CTNNA3: variants seen among roughly 807,000 people sequenced by gnomAD.
The protein encoded by CTNNA3 is catenin alpha 3.
Under a neutral mutation model 95.7 loss-of-function variants are expected in CTNNA3, and 76 were observed. That is an observed-to-expected ratio of 0.79 (90% CI 0.66 to 0.96). The LOEUF (loss-of-function observed/expected upper bound fraction) is 0.96, where lower values mean the gene tolerates loss of function less well. CTNNA3 is among the 40% of genes least tolerant of loss of function. CTNNA3 has a pLI of 0.00. For missense variants in CTNNA3, 1,191 were observed against 1,089.8 expected, an observed-to-expected ratio of 1.09 and a Z score of -1.31; for synonymous variants, 431 against 374.4, an observed-to-expected ratio of 1.15 and a Z score of -1.74.
chr10:66,949,563 T>TA (rs5785805), intron 7 of CTNNA3, among the ~76,000 whole-genome samples: 163 of 139,568 alleles, frequency 1.2e-3, no homozygotes, highest in Non-Finnish European at 1.6e-3. Flanking sequence ...CATCTCAAAA[T>TA]AAAAAAAAAA....
At chr10:66,446,855 T>G (rs931319665) in intron 11 of CTNNA3, among the ~76,000 whole-genome samples, 1 of 151,914 alleles carries the variant, frequency 6.6e-6, no homozygotes, top group African/African-American at 2.4e-5. Context: ...AAATAAAGGG[T>G]ATTCAATTAG....
Position 67,012,084 on chromosome 10 carries a change from A to G in CTNNA3, c.1047+168233T>C, listed in dbSNP as rs144472062. 3.1e-3 allele frequency among the ~76,000 whole-genome samples: 468 copies of G among 152,354 alleles called. 2 individuals carry two copies. Among genetic ancestry groups the G allele is most frequent in the African/African-American group, 0.01 (433 of 41,576 alleles). ...TTGCCAAAAATCACAAGCTCCGTAG[A>G]TACAAGTCAAACACAACTCTCTCTG... On this transcript the variant is annotated intron_variant, in intron 7 of 17. Coordinates refer to ENST00000433211, the MANE Select transcript of CTNNA3 (RefSeq NM_013266.4).
chr10:66,449,211 G>T (rs1315307379), intron 11 of CTNNA3, among the ~76,000 whole-genome samples: 1 of 152,016 alleles, frequency 6.6e-6, no homozygotes, highest in Admixed American at 6.6e-5. Context: ...TAAAGGTGCT[G>T]GGGGGACATT....
At chr10:66,839,341 G>T (rs774144829) in intron 7 of CTNNA3, among the ~76,000 whole-genome samples, 5 of 152,110 alleles carry the variant, frequency 3.3e-5, no homozygotes, top group African/African-American at 4.8e-5. Flanking sequence ...TGTGACCAAA[G>T]AAAGATCATA....
intron 9 of CTNNA3, among the ~76,000 whole-genome samples, chr10:66,735,478 C>G (rs1319858227): frequency 6.6e-6 from 1 of 151,834 alleles, no homozygotes; most frequent in African/African-American, 2.4e-5. Flanking sequence ...TTCAAACATA[C>G]TAAGATTTAA....
intron 7 of CTNNA3, among the ~76,000 whole-genome samples, chr10:66,810,993 A>G (rs1841852650): frequency 6.6e-6 from 1 of 152,144 alleles, no homozygotes; most frequent in African/African-American, 2.4e-5. Flanking sequence ...GTGGAGACTC[A>G]GTTGGGTTTC....
intron 3 of CTNNA3, among the ~76,000 whole-genome samples, chr10:67,545,372 C>A: frequency 6.6e-6 from 1 of 152,080 alleles, no homozygotes; most frequent in South Asian, 2.1e-4. Flanking sequence ...ATACTGAAGA[C>A]CTTCTGCTTC....
chr10:67,681,582 T>TA (rs1206111837), intron 1 of CTNNA3, among the ~76,000 whole-genome samples: 1 of 152,044 alleles, frequency 6.6e-6, no homozygotes, highest in East Asian at 1.9e-4. Context: ...TTATGTATAA[T>TA]AAATGTATAA....
chr10:67,750,491 C>CG, intron 1 of CTNNA3: 1 of 1,541,252 alleles, frequency 6.5e-7, no homozygotes, highest in Non-Finnish European at 9.0e-7. Context: ...GGCTGTAAAG[C>CG]GGGAGGACCT....
intron 1 of CTNNA3, among the ~76,000 whole-genome samples, chr10:67,725,896 T>C (rs1016371146): frequency 1.4e-5 from 2 of 139,662 alleles, no homozygotes; most frequent in African/African-American, 5.4e-5. Context: ...ATATATATAA[T>C]ATATATAATT....
chr10:66,555,275 C>A (rs191521238), intron 10 of CTNNA3, among the ~76,000 whole-genome samples: 97 of 152,208 alleles, frequency 6.4e-4, no homozygotes, highest in Non-Finnish European at 1.1e-3. Context: ...GCTTCAAATT[C>A]TTGAGATGTT....
intron 10 of CTNNA3, among the ~76,000 whole-genome samples, chr10:66,607,611 G>A (rs1844176697): frequency 6.6e-6 from 1 of 151,606 alleles, no homozygotes; most frequent in East Asian, 1.9e-4. Flanking sequence ...AATGCATGAT[G>A]ATCAAGGAGG....
At chr10:67,414,981 A>G (rs1484127361) in intron 5 of CTNNA3, among the ~76,000 whole-genome samples, 1 of 152,222 alleles carries the variant, frequency 6.6e-6, no homozygotes, top group Non-Finnish European at 1.5e-5. Flanking sequence ...CATTATAAAA[A>G]TCCTCAATAA....
chr10:66,829,817 G>A (rs149846270), intron 7 of CTNNA3, among the ~76,000 whole-genome samples: 1 of 151,620 alleles, frequency 6.6e-6, no homozygotes, highest in Non-Finnish European at 1.5e-5. Flanking sequence ...ATGAGGATAG[G>A]CCAGGGAGGT....
intron 11 of CTNNA3, among the ~76,000 whole-genome samples, chr10:66,440,677 G>A (rs553915341): frequency 3.2e-4 from 48 of 152,212 alleles, no homozygotes; most frequent in Admixed American, 1.9e-3. Flanking sequence ...GTAGTTAAAA[G>A]CATCAAATCT....
intron 7 of CTNNA3, among the ~76,000 whole-genome samples, chr10:67,069,103 A>G (rs1856276431): frequency 6.6e-6 from 1 of 152,002 alleles, no homozygotes; most frequent in Non-Finnish European, 1.5e-5. Context: ...AAAGAAAAAG[A>G]AGAAGACAAA....
At chr10:67,483,449 G>A (rs534982089) in intron 5 of CTNNA3, among the ~76,000 whole-genome samples, 3 of 150,218 alleles carry the variant, frequency 2.0e-5, no homozygotes, top group Admixed American at 2.0e-4. Context: ...AAAAAATGAT[G>A]AGTTCATGTC....
At chr10:66,337,594 C>A (rs2092410964) in intron 12 of CTNNA3, among the ~76,000 whole-genome samples, 1 of 151,926 alleles carries the variant, frequency 6.6e-6, no homozygotes, top group Non-Finnish European at 1.5e-5. Flanking sequence ...AATCATTACC[C>A]TGGCTCAGTC....
rs370348361 is a variant in CTNNA3 at position 66,520,607 on chromosome 10, A to C, written c.1531+10T>G. ...GAGAAAATAAACAAATTAAAAGAAT[A>C]AAAACATACCAGATACAGCAAGGAA... On this transcript the variant is annotated intron_variant, in intron 11 of 17. Transcript: ENST00000433211. The C allele has an allele frequency of 1.5e-5, 24 of 1,593,290 alleles. No individual in the cohort carries two copies. Among genetic ancestry groups the C allele is most frequent in the Non-Finnish European group, 2.0e-5 (23 of 1,169,470 alleles).
Sources: gnomAD v4.1 joint callset for allele counts (sites outside exome capture counted in the v4.1 genomes callset) on GRCh38, gnomAD v4.1.1 for gene constraint, MANE v1.5 for transcripts, NCBI Gene and HGNC (gene_info 2026-07-23, HGNC 2026-07-21) for gene names.